MOSPD2: variants seen among roughly 807,000 people sequenced by gnomAD.
MOSPD2 encodes the protein motile sperm domain containing 2, also known as motile sperm domain-containing protein 2.
MOSPD2 carries 5 observed loss-of-function variants against 41.7 expected under a neutral mutation model. The observed-to-expected ratio is 0.12, with a 90% CI of 0.06 to 0.25. The LOEUF (loss-of-function observed/expected upper bound fraction) is 0.25. Among genes scored for constraint, MOSPD2 ranks in the 10% least tolerant of loss-of-function variants. MOSPD2 has a pLI of 1.00. For synonymous variants in MOSPD2, 115 were observed against 126.9 expected (o/e 0.91, Z 0.63); for missense variants, 282 against 375.2 (o/e 0.75, Z 2.05).
At chrX:14,907,223 A>G (rs1242777429) in intron 7 of MOSPD2, among the ~76,000 whole-genome samples, 4 of 112,117 alleles carry the variant, frequency 3.6e-5, no homozygotes, top group African/African-American at 1.3e-4. Flanking sequence ...AATAACAGGT[A>G]TTGGCAAGGA....
chrX:14,873,707 G>C lies in MOSPD2; in HGVS notation c.28G>C (p.Ala10Pro). 1 of 1,211,249 alleles carries C rather than the reference G, an allele frequency of 8.3e-7. No individual in the cohort carries two copies. Among genetic ancestry groups the C allele is most frequent in the South Asian group, 1.8e-5 (1 of 56,976 alleles). ...CATCCAGAATCACGCCCAGAATAAAGCCAAGCTCATCTCTGAGACCCGGAG... is the reference window on the plus strand; with the variant it reads ...CATCCAGAATCACGCCCAGAATAAACCCAAGCTCATCTCTGAGACCCGGAG... MAENHAQNK[A>P]KLISETRRRF... is the part of the protein sequence containing the mutation. Residue 10 changes from alanine (A) to proline (P), a missense_variant, in exon 2 of 15, where the codon GCC becomes CCC. Physicochemically the swap from Ala to Pro is conservative, Grantham distance 27. Around this residue, in one of 3 missense-constraint regions of MOSPD2, gnomAD observed 187 missense variants for 256.6 expected, o/e 0.73. Coordinates refer to ENST00000380492, the MANE Select transcript of MOSPD2 (RefSeq NM_152581.4).
chrX:14,891,163 TA>T lies in MOSPD2; in HGVS notation c.80-1556del, dbSNP rs763727668. ...TAAGAAAAGCTTAGTTCAAGTTCCATAAAAGTAATTGCTTTTGCACCAACCT... is the reference window on the plus strand; with the variant it reads ...TAAGAAAAGCTTAGTTCAAGTTCCATAAAGTAATTGCTTTTGCACCAACCT... On this transcript the variant is annotated intron_variant, in intron 2 of 14. Transcript: ENST00000380492. Among the ~76,000 whole-genome samples, 962 of 112,319 alleles carry T rather than the reference TA, an allele frequency of 8.6e-3. 1 individual carries two copies. The highest frequency in any genetic ancestry group is 0.014 in the Non-Finnish European group (737 of 53,271).
At chrX:14,902,905 A>T in intron 6 of MOSPD2, 61 bp from the exon 7 acceptor site, 1 of 830,026 alleles carries the variant, frequency 1.2e-6, no homozygotes. Context: ...CTAGGCTGGT[A>T]TGAGTGATAT....
At chrX:14,879,237 A>G (rs1381543063) in intron 2 of MOSPD2, among the ~76,000 whole-genome samples, 1 of 111,901 alleles carries the variant, frequency 8.9e-6, no homozygotes, top group Non-Finnish European at 1.9e-5. Flanking sequence ...CATGTACAGT[A>G]TAGCTATGAA....
At chrX:14,886,137 C>G (rs1165428654) in intron 2 of MOSPD2, among the ~76,000 whole-genome samples, 3 of 111,297 alleles carry the variant, frequency 2.7e-5, no homozygotes, top group African/African-American at 9.8e-5. Context: ...ATGACTGACT[C>G]TTACTATTAT....
chrX:14,887,020 T>A (rs768631980), intron 2 of MOSPD2, among the ~76,000 whole-genome samples: 2 of 112,027 alleles, frequency 1.8e-5, no homozygotes, highest in Non-Finnish European at 1.9e-5. Flanking sequence ...TTACTGACAT[T>A]TATGCAGTCC....
intron 4 of MOSPD2, 138 bp from the exon 5 acceptor site, chrX:14,896,946 G>A (rs911135257): frequency 1.0e-5 from 5 of 487,373 alleles, no homozygotes; most frequent in Non-Finnish European, 1.5e-5. Context: ...GTTTCTCATT[G>A]AAAATAAGAA....
At chrX:14,911,508 A>C (rs2092591673) in intron 9 of MOSPD2, 95 bp downstream of exon 9, 1 of 587,590 alleles carries the variant, frequency 1.7e-6, no homozygotes, top group Non-Finnish European at 2.6e-6. Flanking sequence ...AATTCACTTA[A>C]CCTGCTACCC....
intron 3 of MOSPD2, 175 bp downstream of exon 3, chrX:14,893,053 T>C: frequency 2.8e-6 from 1 of 360,059 alleles, no homozygotes; most frequent in Non-Finnish European, 4.8e-6. Context: ...GTCTTTTAAG[T>C]GGGATCATTC....
chrX:14,886,065 G>C (rs1169987401), intron 2 of MOSPD2, among the ~76,000 whole-genome samples: 1 of 111,169 alleles, frequency 9.0e-6, no homozygotes, highest in Admixed American at 9.6e-5. Flanking sequence ...GAGCTTATTA[G>C]AGGAGACAGC....
intron 2 of MOSPD2, among the ~76,000 whole-genome samples, chrX:14,882,177 C>T (rs948704201): frequency 8.9e-6 from 1 of 111,746 alleles, no homozygotes; most frequent in Non-Finnish European, 1.9e-5. Context: ...TCATTTGTAG[C>T]AATTTGGGTG....
At chrX:14,903,913 T>G (rs1420434863) in intron 7 of MOSPD2, among the ~76,000 whole-genome samples, 5 of 111,864 alleles carry the variant, frequency 4.5e-5, no homozygotes, top group African/African-American at 1.6e-4. Flanking sequence ...ATAACCTACA[T>G]GAAGTGAACA....
At position 14,873,573 on chromosome X, in the gene MOSPD2, A is replaced by AGG; in HGVS notation, c.9+36_9+37insGG. On this transcript the variant is annotated intron_variant, in intron 1 of 14. Transcript: ENST00000380492. The stretch of plus-strand genomic sequence containing the variant: ...TATTGCACCGCCGCTGGCCCCCCGG[A>AGG]CCCGGAAGCCGCCTCTGAGGCCCGG... 2.5e-6 allele frequency: 3 copies of AGG among 1,211,216 alleles called. No homozygotes were observed. In the South Asian group the frequency reaches 5.3e-5, roughly 21 times the overall value.
At chrX:14,892,373 A>G (rs1208357950) in intron 2 of MOSPD2, among the ~76,000 whole-genome samples, 1 of 111,350 alleles carries the variant, frequency 9.0e-6, no homozygotes, top group African/African-American at 3.3e-5. Flanking sequence ...GGCTCTTTTC[A>G]ACAATCAGTT....
intron 2 of MOSPD2, among the ~76,000 whole-genome samples, chrX:14,891,547 CTTTATT>C (rs2092553824): frequency 9.8e-6 from 1 of 102,075 alleles, no homozygotes; most frequent in Admixed American, 1.1e-4. Context: ...CTTTTTTTGT[CTTTATT>C]TTTATATTTA....
Position 14,916,310 on chromosome X carries a change from A to G in MOSPD2, c.1300A>G (p.Lys434Glu). The change falls in exon 13 of 15, where the codon AAA becomes GAA. Residue 434 changes from lysine (K) to glutamate (E), a missense_variant. By Grantham distance (56) the Lys-to-Glu change is moderately conservative. Around this residue, in one of 3 missense-constraint regions of MOSPD2, gnomAD observed 94 missense variants for 102.1 expected, o/e 0.92. Transcript: ENST00000380492. Reference sequence around the variant, plus strand: ...GTTTTGGAAAGAAGTTCCCAGAAACAAAGTGATGGAACATAGGTAAGCTTT... The same window carrying G: ...GTTTTGGAAAGAAGTTCCCAGAAACGAAGTGATGGAACATAGGTAAGCTTT... Reference protein sequence around the residue: ...TQFWKEVPRNKVMEHRLRCHT... With the variant: ...TQFWKEVPRNEVMEHRLRCHT... 8.3e-7 allele frequency: 1 copy of G among 1,211,799 alleles called. No homozygotes were observed. The highest frequency in any genetic ancestry group is 1.1e-6 in the Non-Finnish European group (1 of 895,361).
chrX:14,899,606 A>G (rs2092569590), intron 5 of MOSPD2, among the ~76,000 whole-genome samples: 1 of 105,605 alleles, frequency 9.5e-6, no homozygotes, highest in South Asian at 4.1e-4. Flanking sequence ...ACACACACAC[A>G]AAGGTATTAT....
rs187997732 is a variant in MOSPD2, at chrX:14,909,379, C to T, written c.702+395C>T. Among the ~76,000 whole-genome samples, 339 of 111,222 alleles carry T rather than the reference C, an allele frequency of 3.0e-3. 2 individuals are homozygous for T. The highest frequency in any genetic ancestry group is 0.01 in the African/African-American group (308 of 30,669). ...TCCTCCCTCTCATCTCTTCTAAAGTCAGTGTATTTATGTGCTAGTGTGCAT... is the reference window on the plus strand; with the variant it reads ...TCCTCCCTCTCATCTCTTCTAAAGTTAGTGTATTTATGTGCTAGTGTGCAT... On this transcript the variant is annotated intron_variant, in intron 8 of 14. Transcript: ENST00000380492.
Position 14,920,802 on chromosome X carries a change from T to C in MOSPD2, c.*993T>C. The C allele has an allele frequency of 1.9e-5, 14 of 753,796 alleles. No individual in the cohort carries two copies. Among genetic ancestry groups the C allele is most frequent in the Non-Finnish European group, 2.2e-5 (14 of 639,010 alleles). The allele number at this position is 753,796 out of a possible 1,213,427, so 62.1% of individuals were successfully genotyped here. A position where few individuals can be genotyped will look rare whatever the true frequency, so the allele number is the denominator to read the frequency against. On this transcript the variant is annotated 3_prime_UTR_variant, in exon 15 of 15. Coordinates refer to ENST00000380492, the MANE Select transcript of MOSPD2 (RefSeq NM_152581.4). ...TAAGCAGGATAATAAATTTAGATTT[T>C]AAAATGTTCCCTGTAAAAGTCAGCC...
Sources: allele counts gnomAD v4.1 joint callset (sites outside exome capture counted in the v4.1 genomes callset), GRCh38; gene constraint gnomAD v4.1.1; regional missense constraint gnomAD v4.1.1; transcripts MANE v1.5; gene names NCBI Gene and HGNC (gene_info 2026-07-23, HGNC 2026-07-21).